CEP192: variants seen among roughly 807,000 people sequenced by gnomAD.
The protein encoded by CEP192 is centrosomal protein of 192 kDa.
In CEP192, 151 loss-of-function variants were observed where a neutral mutation model predicts 271.8. The observed-to-expected ratio is 0.56, with a 90% CI of 0.49 to 0.64. The LOEUF (loss-of-function observed/expected upper bound fraction) is 0.64, where lower values mean the gene tolerates loss of function less well. Ranked by LOEUF, CEP192 falls within the 30% of genes least tolerant of loss-of-function variation. The probability of loss-of-function intolerance (pLI) is 0.00; values close to 1 mark genes in which losing one functional copy is unlikely to be tolerated. For synonymous variants in CEP192, 995 were observed against 1,076.5 expected, an observed-to-expected ratio of 0.92 and a Z score of 1.48; for missense variants, 2,910 against 3,020.5, an observed-to-expected ratio of 0.96 and a Z score of 0.86.
intron 30 of CEP192, among the ~76,000 whole-genome samples, chr18:13,082,586 C>CT (rs895171064): frequency 1.2e-4 from 18 of 148,336 alleles, no homozygotes; most frequent in Admixed American, 1.1e-3. Context: ...ATTTGCCAGT[C>CT]TGTGTCTTTT....
chr18:13,105,157 C>A, intron 40 of CEP192, 78 bp downstream of exon 40: 2 of 970,660 alleles, frequency 2.1e-6, no homozygotes, highest in Non-Finnish European at 3.3e-6. Flanking sequence ...ACCCATTTAG[C>A]TTGTTTCACC....
intron 20 of CEP192, chr18:13,058,331 T>C (rs2037224688): frequency 6.6e-6 from 1 of 152,366 alleles, no homozygotes; most frequent in South Asian, 2.1e-4. Flanking sequence ...AGGGGGGATA[T>C]ATGGTCAGCA....
chr18:13,007,096 T>G (rs1306176849), intron 3 of CEP192, among the ~76,000 whole-genome samples: 1 of 152,202 alleles, frequency 6.6e-6, no homozygotes, highest in African/African-American at 2.4e-5. Flanking sequence ...TTTCCTTTTC[T>G]GCTTCCGGGC....
intron 43 of CEP192, 129 bp downstream of exon 43, chr18:13,116,632 G>A: frequency 6.8e-6 from 6 of 878,724 alleles, no homozygotes; most frequent in Non-Finnish European, 9.9e-6. Context: ...TTTTTTTGGA[G>A]ATGGAGTCTC....
At chr18:12,997,900 T>C (rs1199697047) in intron 1 of CEP192, among the ~76,000 whole-genome samples, 2 of 152,042 alleles carry the variant, frequency 1.3e-5, no homozygotes. Context: ...AGTTTTTGTA[T>C]TTTTAGTAGA....
chr18:13,067,195 G>A lies in CEP192; in HGVS notation c.4489-636G>A, dbSNP rs576148552. On this transcript the variant is annotated intron_variant, in intron 21 of 44. Coordinates refer to ENST00000506447, the MANE Select transcript of CEP192 (RefSeq NM_032142.4). ...TTACATAGCATTTACATTATATTAG[G>A]TACATTATGTTAGGTGTTTGAAGTA... Among the ~76,000 whole-genome samples the A allele has an allele frequency of 1.8e-3, 267 of 152,156 alleles. 2 individuals carry two copies. The South Asian group carries it at 0.029, about 16-fold the overall frequency.
chr18:13,123,458 C>T lies in CEP192; in HGVS notation c.7476-1174C>T, dbSNP rs188162021. Among the ~76,000 whole-genome samples, 132 of 152,314 alleles carry T rather than the reference C, an allele frequency of 8.7e-4. 1 individual carries two copies. Among genetic ancestry groups the T allele is most frequent in the Non-Finnish European group, 2.4e-4 (16 of 68,020 alleles). On this transcript the variant is annotated intron_variant, in intron 44 of 44. Coordinates refer to ENST00000506447, the MANE Select transcript of CEP192 (RefSeq NM_032142.4). ...AATACTGAAGCTGTTTTCTAAACCTCATGCCCGGTGTACTCTTGTGCACCC... is the reference window on the plus strand; with the variant it reads ...AATACTGAAGCTGTTTTCTAAACCTTATGCCCGGTGTACTCTTGTGCACCC...
At chr18:13,008,281 C>T (rs983573693) in intron 3 of CEP192, among the ~76,000 whole-genome samples, 175 bp from the exon 4 acceptor site, 1 of 152,190 alleles carries the variant, frequency 6.6e-6, no homozygotes, top group East Asian at 1.9e-4. Flanking sequence ...GTTCAGTCCC[C>T]AGAATACAGT....
rs2033639130 is a variant in CEP192, at chr18:13,001,460, T to A, written c.168T>A (p.Tyr56Ter). ...AAAACAAATTTTTTTTGTATAGGTA[T>A]CCTGATATCCAGGCATCTTACTTAG... Reference protein sequence around the residue: ...ARDRSSTDNRYPDIQASYLVE... With the variant: ...ARDRSSTDNR Residue 56 changes from tyrosine to a stop codon, truncating the protein, a stop_gained, in exon 3 of 45, where the codon TAT becomes TAA. Transcript: ENST00000506447. LOFTEE classifies it high-confidence loss of function. 6.5e-7 allele frequency: 1 copy of A among 1,538,286 alleles called. No homozygotes were observed.
intron 30 of CEP192, among the ~76,000 whole-genome samples, chr18:13,080,938 A>G (rs1216435197): frequency 6.6e-6 from 1 of 152,162 alleles, no homozygotes; most frequent in African/African-American, 2.4e-5. Flanking sequence ...GATGGATTAC[A>G]TTTATTGATT....
At chr18:13,121,114 A>G (rs192115068) in intron 44 of CEP192, among the ~76,000 whole-genome samples, 1 of 152,358 alleles carries the variant, frequency 6.6e-6, no homozygotes, top group East Asian at 1.9e-4. Flanking sequence ...GTGACTTTAG[A>G]CAAAGGTTCA....
At chr18:13,074,891 A>G (rs1242611242) in intron 30 of CEP192, among the ~76,000 whole-genome samples, 2 of 152,198 alleles carry the variant, frequency 1.3e-5, no homozygotes, top group South Asian at 2.1e-4. Flanking sequence ...CAACTTACCA[A>G]TTTGGTTGTG....
chr18:13,082,432 CTTTTT>C (rs57663388), intron 30 of CEP192, among the ~76,000 whole-genome samples: 665 of 49,884 alleles, frequency 0.013, no homozygotes, highest in African/African-American at 0.056. Flanking sequence ...GCAACCCCTG[CTTTTT>C]TTTTTTTTTT....
At chr18:13,089,671 T>A in intron 33 of CEP192, 106 bp downstream of exon 33, 1 of 595,850 alleles carries the variant, frequency 1.7e-6, no homozygotes, top group Non-Finnish European at 3.0e-6. Flanking sequence ...TTAGATGCAG[T>A]GTCAGGCAGA....
At chr18:13,066,534 G>A (rs1189383154) in intron 21 of CEP192, among the ~76,000 whole-genome samples, 1 of 152,176 alleles carries the variant, frequency 6.6e-6, no homozygotes, top group East Asian at 1.9e-4. Flanking sequence ...AGCGTCCCTT[G>A]AGAGTACTTT....
intron 7 of CEP192, 115 bp downstream of exon 7, chr18:13,017,451 CTG>C (rs548334658): frequency 1.8e-5 from 13 of 709,804 alleles, no homozygotes; most frequent in Non-Finnish European, 2.8e-5. Context: ...TCTTTGGACT[CTG>C]TGTTTCCGAG....
At chr18:12,999,790 G>A (rs1212702630) in intron 2 of CEP192, among the ~76,000 whole-genome samples, 3 of 150,452 alleles carry the variant, frequency 2.0e-5, no homozygotes, top group Non-Finnish European at 4.4e-5. Context: ...AGGTTTGGGT[G>A]GGTTTGGGAT....
At chr18:13,032,385 A>G (rs1449338416) in intron 11 of CEP192, among the ~76,000 whole-genome samples, 1 of 152,050 alleles carries the variant, frequency 6.6e-6, no homozygotes, top group Non-Finnish European at 1.5e-5. Flanking sequence ...GGTTTGAGGC[A>G]GAAGTAGTCA....
rs753617439 is a variant in CEP192 at position 13,124,739 on chromosome 18, G to A, written c.7583G>A (p.Arg2528Gln). Residue 2528 changes from arginine to glutamine, a missense_variant, in exon 45 of 45, where the codon CGA becomes CAA. Transcript: ENST00000506447. ...QTDEGKSIAI[R>Q]LIGEALGKN is the part of the protein sequence containing the mutation. ...GATGAAGGCAAGAGTATTGCTATTC[G>A]ACTAATTGGTGAAGCTCTTGGAAAA... 23 of 1,611,950 alleles carry A rather than the reference G, an allele frequency of 1.4e-5. No individual in the cohort carries two copies. Among genetic ancestry groups the A allele is most frequent in the Non-Finnish European group, 1.4e-5 (16 of 1,178,388 alleles).
Sources: allele counts gnomAD v4.1 joint callset (sites outside exome capture counted in the v4.1 genomes callset), GRCh38; gene constraint gnomAD v4.1.1; transcripts MANE v1.5; gene names NCBI Gene and HGNC (gene_info 2026-07-23, HGNC 2026-07-21).